TSPEAR: variants seen among roughly 807,000 people sequenced by gnomAD.
The protein encoded by TSPEAR is thrombospondin type laminin G domain and EAR repeats.
TSPEAR carries 69 observed loss-of-function variants against 71.6 expected under a neutral mutation model. The observed-to-expected ratio is 0.96, with a 90% CI of 0.79 to 1.18. The LOEUF (loss-of-function observed/expected upper bound fraction) is 1.18, where lower values mean the gene tolerates loss of function less well. TSPEAR is among the 50% of genes most tolerant of loss of function. The probability of loss-of-function intolerance (pLI) is 0.00; values close to 1 mark genes in which losing one functional copy is unlikely to be tolerated. For missense variants in TSPEAR, 971 were observed against 894.9 expected, an observed-to-expected ratio of 1.09 and a Z score of -1.09; for synonymous variants, 402 against 387.2, an observed-to-expected ratio of 1.04 and a Z score of -0.45.
chr21:44,673,212 AGAAAC>A (rs1986144118), intron 1 of TSPEAR, among the ~76,000 whole-genome samples: 2 of 152,248 alleles, frequency 1.3e-5, no homozygotes, highest in South Asian at 4.1e-4. Flanking sequence ...ATTTCTCAGC[AGAAAC>A]CTTACAGGTC....
At chr21:44,508,851 G>GTCCTTCTGGGGCCTCGGCTA (rs1555912224) in intron 10 of TSPEAR, 1 of 1,405,864 alleles carries the variant, frequency 7.1e-7, no homozygotes, top group Non-Finnish European at 9.5e-7. Flanking sequence ...CCTCGCACCT[G>GTCCTTCTGGGGCCTCGGCTA]TCCCTCTGGG....
Position 44,499,923 on chromosome 21 carries a change from C to T in TSPEAR, c.1870G>A (p.Glu624Lys), listed in dbSNP as rs587717339. 47 of 1,606,506 alleles carry T rather than the reference C, an allele frequency of 2.9e-5. No homozygotes were observed. Among genetic ancestry groups the T allele is most frequent in the South Asian group, 2.4e-4 (22 of 90,252 alleles). ...NSIIYRWQGY[E>K]GFVAVHSLPT... The stretch of plus-strand genomic sequence containing the variant: ...AGGCTGTGCACCGCCACGAAGCCCT[C>T]GTAGCCCTGCCACCTGCGGAACAGA... The change falls in exon 12 of 12, where the codon GAG becomes AAG. Residue 624 changes from glutamate (E) to lysine (K), a missense_variant. By Grantham distance (56) the Glu-to-Lys change is moderately conservative. Transcript: ENST00000323084.
intron 1 of TSPEAR, among the ~76,000 whole-genome samples, chr21:44,572,134 G>T (rs1384637704): frequency 6.6e-6 from 1 of 152,236 alleles, no homozygotes; most frequent in African/African-American, 2.4e-5. Context: ...TGCCCACTCT[G>T]ACCACGAGGA....
At position 44,533,688 on chromosome 21, in the gene TSPEAR, T is replaced by C; in HGVS notation, c.539A>G (p.Asp180Gly). The C allele has an allele frequency of 6.2e-7, 1 of 1,606,232 alleles. No individual in the cohort carries two copies. The highest frequency in any genetic ancestry group is 1.1e-5 in the South Asian group (1 of 90,884). ...SLTTDCGLPV[D>G]IMADVPFPAT... ...CCCTCCCCGGGTGGGTACCTACATG[T>C]CCACCGGGAGGCCGCAGTCCGTGGT... The change falls in exon 3 of 12, where the codon GAC (aspartate) becomes GGC (glycine). Residue 180 changes from aspartate to glycine, a missense_variant. By Grantham distance (94) the Asp-to-Gly change is moderately conservative (BLOSUM62 -1). Transcript: ENST00000323084.
rs568329869 is a variant in TSPEAR, at chr21:44,690,479, C to G, written c.82+20954G>C. On this transcript the variant is annotated intron_variant, in intron 1 of 11. Transcript: ENST00000323084. ...CAAACAAACAAATGAACAAGTCACC[C>G]ACAAGCAATAAAAATCAGATTAGCA... 1.0e-5 allele frequency: 9 copies of G among 899,708 alleles called. No individual in the cohort carries two copies. The African/African-American group carries it at 1.6e-4, about 16-fold the overall frequency. The allele number at this position is 899,708 out of a possible 1,614,324, so 55.7% of individuals were successfully genotyped here. A position where few individuals can be genotyped will look rare whatever the true frequency, so the allele number is the denominator to read the frequency against.
rs1403059305 is a variant in TSPEAR, at chr21:44,506,345, C to T, written c.1755-1464G>A. On this transcript the variant is annotated intron_variant, in intron 10 of 11. Transcript: ENST00000323084. This position sits in a 1 kb window ranked among gnomAD's most constrained non-coding sequence, Gnocchi z 4.2. ...GAAATGGAGGTCGAAGCCATGCACA[C>T]GCAGGCGTCCTGCTGACATGCAGGC... Among the ~76,000 whole-genome samples the T allele has an allele frequency of 6.6e-6, 1 of 152,272 alleles. No homozygotes were observed. Among genetic ancestry groups the T allele is most frequent in the South Asian group, 2.1e-4 (1 of 4,836 alleles).
intron 1 of TSPEAR, among the ~76,000 whole-genome samples, chr21:44,689,608 C>G (rs1601569353): frequency 1.3e-5 from 2 of 149,232 alleles, no homozygotes; most frequent in East Asian, 3.9e-4. Context: ...AACAATGATC[C>G]CTAAAATGTC....
At chr21:44,521,565 C>G (rs2052734585) in intron 9 of TSPEAR, among the ~76,000 whole-genome samples, 1 of 152,208 alleles carries the variant, frequency 6.6e-6, no homozygotes, top group Admixed American at 6.5e-5. Context: ...AGGGCCTGTT[C>G]TGAGCCCGGG....
Position 44,627,632 on chromosome 21 carries a change from C to T in TSPEAR, c.83-59627G>A. On this transcript the variant is annotated intron_variant, in intron 1 of 11. Transcript: ENST00000323084. ...TGCAAACCTGTGTGCTGTGCGCCCA[C>T]CTGCTCTGAGGATTCCTATTCATGC... 3.1e-6 allele frequency: 5 copies of T among 1,611,580 alleles called. No individual in the cohort carries two copies. The Admixed American group carries it at 6.7e-5, about 22-fold the overall frequency.
intron 9 of TSPEAR, among the ~76,000 whole-genome samples, chr21:44,514,520 G>C (rs755165393): frequency 6.6e-6 from 1 of 152,178 alleles, no homozygotes; most frequent in Non-Finnish European, 1.5e-5. Flanking sequence ...CCCACATGCC[G>C]ACAGCTGCAA....
At chr21:44,670,070 C>G (rs963787517) in intron 1 of TSPEAR, among the ~76,000 whole-genome samples, 1 of 152,154 alleles carries the variant, frequency 6.6e-6, no homozygotes, top group Non-Finnish European at 1.5e-5. Flanking sequence ...TAATATCATT[C>G]AAAACCACTA....
At chr21:44,589,932 A>T (rs9983160) in intron 1 of TSPEAR, among the ~76,000 whole-genome samples, 1 of 152,254 alleles carries the variant, frequency 6.6e-6, no homozygotes, top group African/African-American at 2.4e-5. Context: ...GAACCAGGGC[A>T]GGAAGAAAAC....
chr21:44,541,944 T>C (rs1358614465), intron 2 of TSPEAR, among the ~76,000 whole-genome samples: 1 of 152,102 alleles, frequency 6.6e-6, no homozygotes, highest in Admixed American at 6.5e-5. Flanking sequence ...AAAAAATTAC[T>C]AGGGATATTA....
intron 2 of TSPEAR, 55 bp from the exon 3 acceptor site, chr21:44,533,978 G>A: frequency 7.6e-7 from 1 of 1,311,660 alleles, no homozygotes; most frequent in South Asian, 1.3e-5. Context: ...TCGGGTGCGG[G>A]GGCAGGGCAG....
At chr21:44,624,104 C>T (rs760887278) in intron 1 of TSPEAR, among the ~76,000 whole-genome samples, 8 of 152,152 alleles carry the variant, frequency 5.3e-5, no homozygotes, top group Non-Finnish European at 1.0e-4. Flanking sequence ...TCCCTCTTTT[C>T]TTTCCCATCT....
rs1423453119 is a variant in TSPEAR at position 44,710,161 on chromosome 21, G to A, written c.82+1272C>T. ...GGGGAGGGAGAAAGGCTGGCGCTGC[G>A]CCCTCCATCGCGTGAAGCCAGGGGA... On this transcript the variant is annotated intron_variant, in intron 1 of 11. Coordinates refer to ENST00000323084, the MANE Select transcript of TSPEAR (RefSeq NM_144991.3). This position sits in a 1 kb window ranked among gnomAD's most constrained non-coding sequence, Gnocchi z 4.6. 2.0e-5 allele frequency among the ~76,000 whole-genome samples: 3 copies of A among 152,182 alleles called. No individual in the cohort carries two copies. The highest frequency in any genetic ancestry group is 4.4e-5 in the Non-Finnish European group (3 of 68,000).
At position 44,509,336 on chromosome 21, in the gene TSPEAR, G is replaced by T; in HGVS notation, c.1617C>A (p.Phe539Leu). ...AGCTGTGACTGTTTGCCACAGCGAGGAAGATCCTCTCCCCGATCTGGAAGA... is the reference window on the plus strand; with the variant it reads ...AGCTGTGACTGTTTGCCACAGCGAGTAAGATCCTCTCCCCGATCTGGAAGA... ...WEVFQIGERI[F>L]LAVANSHSYD... Residue 539 changes from phenylalanine to leucine, a missense_variant, in exon 10 of 12, where the codon TTC (phenylalanine) becomes TTA (leucine). Physicochemically the swap from Phe to Leu is conservative, Grantham distance 22 (BLOSUM62 0). Coordinates refer to ENST00000323084, the MANE Select transcript of TSPEAR (RefSeq NM_144991.3). 6.2e-7 allele frequency: 1 copy of T among 1,613,990 alleles called. No homozygotes were observed. Among genetic ancestry groups the T allele is most frequent in the Non-Finnish European group, 8.5e-7 (1 of 1,179,988 alleles).
intron 2 of TSPEAR, among the ~76,000 whole-genome samples, chr21:44,564,858 C>T (rs1163779035): frequency 6.6e-6 from 1 of 151,990 alleles, no homozygotes; most frequent in South Asian, 2.1e-4. Context: ...TATGCAGTAT[C>T]GTCTAGCATA....
At chr21:44,690,929 A>T (rs1987097874) in intron 1 of TSPEAR, among the ~76,000 whole-genome samples, 1 of 152,172 alleles carries the variant, frequency 6.6e-6, no homozygotes, top group Non-Finnish European at 1.5e-5. Context: ...AAAATATTTT[A>T]AAGTAGTGGA....
Sources: allele counts gnomAD v4.1 joint callset (sites outside exome capture counted in the v4.1 genomes callset), GRCh38; gene constraint gnomAD v4.1.1; non-coding constraint Gnocchi (gnomAD v3.1); transcripts MANE v1.5; gene names NCBI Gene and HGNC (gene_info 2026-07-23, HGNC 2026-07-21).